BCL6: variants seen among roughly 807,000 people sequenced by gnomAD.
The protein encoded by BCL6 is B-cell lymphoma 6 protein.
Under a neutral mutation model 59.5 loss-of-function variants are expected in BCL6, and 7 were observed. The observed-to-expected ratio is 0.12, with a 90% CI of 0.07 to 0.22. The LOEUF (loss-of-function observed/expected upper bound fraction) is 0.22. Among genes scored for constraint, BCL6 ranks in the 10% least tolerant of loss-of-function variants. The pLI, the probability that BCL6 is intolerant of heterozygous loss-of-function variation, is 1.00. For synonymous variants in BCL6, 339 were observed against 349.7 expected, an observed-to-expected ratio of 0.97 and a Z score of 0.34; for missense variants, 685 against 939.4, an observed-to-expected ratio of 0.73 and a Z score of 3.54.
In BCL6 at chr3:187,725,481, C is replaced by T. The variant is rs1473514039; in HGVS notation, c.1839+18G>A. 6 of 1,611,340 alleles carry T rather than the reference C, an allele frequency of 3.7e-6. No homozygotes were observed. The highest frequency in any genetic ancestry group is 1.3e-5 in the African/African-American group (1 of 74,644). On this transcript the variant is annotated intron_variant, in intron 8 of 9. Coordinates refer to ENST00000406870, the MANE Select transcript of BCL6 (RefSeq NM_001706.5). This position sits in a 1 kb window ranked among gnomAD's most constrained non-coding sequence, Gnocchi z 4.7. ...TCCGCTCGCCTGCCCGCTCCGCTCG[C>T]CTGCCCACTCTGCTCACCTGTACAA...
rs1451114491 is a variant in BCL6, at chr3:187,722,412, A to C, written c.*46T>G. On this transcript the variant is annotated 3_prime_UTR_variant, in exon 10 of 10. Coordinates refer to ENST00000406870, the MANE Select transcript of BCL6 (RefSeq NM_001706.5). ...TAAAGTGTTACAGTATCCTTTGGGT[A>C]GATTCTGAGAAGGGGCTGGAGACGA... is the stretch of plus-strand genomic sequence containing the variant. The C allele has an allele frequency of 6.7e-7, 1 of 1,502,552 alleles. No individual in the cohort carries two copies. Among genetic ancestry groups the C allele is most frequent in the Non-Finnish European group, 9.0e-7 (1 of 1,112,924 alleles). 93.1% of individuals were successfully genotyped at this position (1,502,552 alleles called of 1,614,324 possible). A position where few individuals can be genotyped will look rare whatever the true frequency, so the allele number is the denominator to read the frequency against.
At chr3:187,738,487 C>T (rs1403333328) in intron 1 of BCL6, among the ~76,000 whole-genome samples, 2 of 152,238 alleles carry the variant, frequency 1.3e-5, no homozygotes, top group African/African-American at 4.8e-5. Context: ...AATCCGATTT[C>T]CCCGAAACCG....
chr3:187,741,377 C>A lies in BCL6; in HGVS notation c.-50+4033G>T, dbSNP rs1711586927. Among the ~76,000 whole-genome samples, 5 of 152,144 alleles carry A rather than the reference C, an allele frequency of 3.3e-5. No homozygotes were observed. The South Asian group carries it at 1.0e-3, about 32-fold the overall frequency. Reference sequence around the variant, plus strand: ...TCGACAGTATTGGCAGAGATTCTTGCCAAACACTGGTCATCCAGCAAAGAA... The same window carrying A: ...TCGACAGTATTGGCAGAGATTCTTGACAAACACTGGTCATCCAGCAAAGAA... On this transcript the variant is annotated intron_variant, in intron 1 of 9. Transcript: ENST00000406870.
rs763596354 is a variant in BCL6, at chr3:187,729,320, G to A, written c.1085C>T (p.Pro362Leu). ...GGGGTCAGTGGGGCTCTTGGCTGGA[G>A]GGGAGCCAGAAGCCTGGAGGATGCA... ...NACILQASGS[P>L]PAKSPTDPKA... Residue 362 changes from proline (P) to leucine (L), a missense_variant, in exon 5 of 10, where the codon CCT becomes CTT. Coordinates refer to ENST00000406870, the MANE Select transcript of BCL6 (RefSeq NM_001706.5). This position sits in a 1 kb window ranked among gnomAD's most constrained non-coding sequence, Gnocchi z 5.6. The A allele has an allele frequency of 6.2e-7, 1 of 1,614,132 alleles. No individual in the cohort carries two copies. The highest frequency in any genetic ancestry group is 8.5e-7 in the Non-Finnish European group (1 of 1,180,048).
intron 1 of BCL6, 142 bp downstream of exon 1, chr3:187,745,268 A>G (rs1436065384): frequency 7.5e-6 from 3 of 398,450 alleles, no homozygotes; most frequent in Admixed American, 4.4e-5. Context: ...CTTGGAGCCA[A>G]AGCATTTGGC....
intron 9 of BCL6, among the ~76,000 whole-genome samples, chr3:187,724,023 AC>A (rs1718546164): frequency 1.3e-5 from 2 of 152,234 alleles, no homozygotes; most frequent in Non-Finnish European, 2.9e-5. Flanking sequence ...ATTTGCCCAA[AC>A]AGCAAGTAAG....
In BCL6 at chr3:187,731,883, C is replaced by G; in HGVS notation, c.209G>C (p.Ser70Thr). The G allele has an allele frequency of 6.2e-7, 1 of 1,614,122 alleles. No homozygotes were observed. Among genetic ancestry groups the G allele is most frequent in the Non-Finnish European group, 8.5e-7 (1 of 1,180,030 alleles). Residue 70 changes from serine (S) to threonine (T), a missense_variant, in exon 4 of 10, where the codon AGT becomes ACT. Coordinates refer to ENST00000406870, the MANE Select transcript of BCL6 (RefSeq NM_001706.5). ...GATCTCAGGATCTAGATTGATCACACTAAGGTTGCATTTCAACTGGTCTGT... is the reference window on the plus strand; with the variant it reads ...GATCTCAGGATCTAGATTGATCACAGTAAGGTTGCATTTCAACTGGTCTGT... ...IFTDQLKCNLSVINLDPEINP... is the reference protein window; with the variant it reads ...IFTDQLKCNLTVINLDPEINP...
At chr3:187,742,586 C>T (rs996262403) in intron 1 of BCL6, among the ~76,000 whole-genome samples, 12 of 151,568 alleles carry the variant, frequency 7.9e-5, no homozygotes, top group African/African-American at 2.2e-4. Flanking sequence ...GCCAATGCTT[C>T]GGCCTCTAGT....
chr3:187,738,461 G>GCCGTAAGGATTTCCGAAT (rs1447167962), intron 1 of BCL6, among the ~76,000 whole-genome samples: 1 of 152,184 alleles, frequency 6.6e-6, no homozygotes, highest in Non-Finnish European at 1.5e-5. Flanking sequence ...GAGCTGCCAA[G>GCCGTAAGGATTTCCGAAT]CCGTAAGGAT....
intron 3 of BCL6, among the ~76,000 whole-genome samples, chr3:187,732,727 G>A (rs1719106339): frequency 6.6e-6 from 1 of 152,112 alleles, no homozygotes; most frequent in Non-Finnish European, 1.5e-5. Context: ...ATAGTGTTGT[G>A]GCAAGAATAA....
chr3:187,735,798 C>T (rs1719255583), intron 1 of BCL6, among the ~76,000 whole-genome samples: 1 of 151,874 alleles, frequency 6.6e-6, no homozygotes, highest in African/African-American at 2.4e-5. Flanking sequence ...CAAATGTGGG[C>T]TGCAAAATAA....
chr3:187,744,673 A>T, intron 1 of BCL6, among the ~76,000 whole-genome samples: 1 of 152,232 alleles, frequency 6.6e-6, no homozygotes, highest in East Asian at 1.9e-4. Context: ...ACCGAGGCCG[A>T]TGGAAGAGAG....
chr3:187,734,204 C>G (rs1291020632), intron 2 of BCL6, among the ~76,000 whole-genome samples: 1 of 152,136 alleles, frequency 6.6e-6, no homozygotes, highest in African/African-American at 2.4e-5. Flanking sequence ...CCATGCCCAG[C>G]TAATTTTTTT....
rs1459123165 is a variant in BCL6, at chr3:187,728,535, C to T, written c.1365G>A (p.Thr455=). 35 of 1,606,732 alleles carry T rather than the reference C, an allele frequency of 2.2e-5. No individual in the cohort carries two copies. Among genetic ancestry groups the T allele is most frequent in the Non-Finnish European group, 2.5e-5 (30 of 1,178,108 alleles). ...RLNNIVNRSM[T]GSPRSSSESH... Reference sequence around the variant, plus strand: ...TCTCGCTGCTGCTGCGGGGAGAGCCCGTCATGGACCTATGGACAGGAGTAA... The same window carrying T: ...TCTCGCTGCTGCTGCGGGGAGAGCCTGTCATGGACCTATGGACAGGAGTAA... The change falls in exon 6 of 10, where the codon ACG becomes ACA. Residue 455 remains threonine (T), a synonymous_variant. Coordinates refer to ENST00000406870, the MANE Select transcript of BCL6 (RefSeq NM_001706.5).
Position 187,722,324 on chromosome 3 carries a change from CA to C in BCL6, c.*133del. The C allele has an allele frequency of 1.5e-6, 1 of 670,272 alleles. No individual in the cohort carries two copies. The allele number at this position is 670,272 out of a possible 1,614,324, so 41.5% of individuals were successfully genotyped here. ...CCCAGGCCCCGACCCCCACCACCCC[CA>C]ACCCCCAGCTATGATTTGCACTAGT... On this transcript the variant is annotated 3_prime_UTR_variant, in exon 10 of 10. Transcript: ENST00000406870.
At chr3:187,731,015 A>G (rs1185074837) in intron 4 of BCL6, among the ~76,000 whole-genome samples, 1 of 152,200 alleles carries the variant, frequency 6.6e-6, no homozygotes, top group Non-Finnish European at 1.5e-5. Context: ...GGCTGGATCA[A>G]AAGGTTCTAA....
intron 1 of BCL6, among the ~76,000 whole-genome samples, chr3:187,741,776 C>G (rs1346224675): frequency 6.6e-6 from 1 of 152,196 alleles, no homozygotes; most frequent in Admixed American, 6.5e-5. Flanking sequence ...AACACACCCC[C>G]TACACATACG....
intron 1 of BCL6, among the ~76,000 whole-genome samples, chr3:187,740,562 T>C (rs145952457): frequency 1.1e-3 from 160 of 152,300 alleles, no homozygotes; most frequent in African/African-American, 3.8e-3. Flanking sequence ...TAAATACTTC[T>C]AAGGAGCTGA....
rs745566677 is a variant in BCL6, at chr3:187,729,929, C to A, written c.476G>T (p.Gly159Val). 5.6e-6 allele frequency: 9 copies of A among 1,613,830 alleles called. No individual in the cohort carries two copies. The Admixed American group carries it at 1.3e-4, about 24-fold the overall frequency. ...LMPQDIMAYRGREVVENNLPL... is the reference protein window; with the variant it reads ...LMPQDIMAYRVREVVENNLPL... ...CAGGTTGTTCTCCACCACCTCACGA[C>A]CCCGATAGGCCATGATGTCTTGGGG... The change falls in exon 5 of 10, where the codon GGT (glycine) becomes GTT (valine). Residue 159 changes from glycine (G) to valine (V), a missense_variant. By Grantham distance (109) the Gly-to-Val change is moderately radical. Coordinates refer to ENST00000406870, the MANE Select transcript of BCL6 (RefSeq NM_001706.5). This position sits in a 1 kb window ranked among gnomAD's most constrained non-coding sequence, Gnocchi z 5.6.
Sources: gnomAD v4.1 joint callset for allele counts (sites outside exome capture counted in the v4.1 genomes callset) on GRCh38, gnomAD v4.1.1 for gene constraint, Gnocchi (gnomAD v3.1) non-coding constraint, MANE v1.5 for transcripts, NCBI Gene and HGNC (gene_info 2026-07-23, HGNC 2026-07-21) for gene names.